The following TDRD9 variants were observed in gnomAD, a reference collection of about 807,000 sequenced individuals.
TDRD9 encodes ATP-dependent RNA helicase TDRD9.
Under a neutral mutation model 172.6 loss-of-function variants are expected in TDRD9, and 124 were observed. The observed-to-expected ratio is 0.72, with a 90% CI of 0.62 to 0.83. TDRD9 has a LOEUF of 0.83. TDRD9 is among the 40% of genes least tolerant of loss of function. The pLI is 0.00. For missense variants in TDRD9, 1,479 were observed against 1,714.1 expected (o/e 0.86, Z 2.42); for synonymous variants, 619 against 617.1 (o/e 1.00, Z -0.05).
chr14:104,047,676 CT>C (rs1174513629), intron 34 of TDRD9, among the ~76,000 whole-genome samples: 1 of 152,170 alleles, frequency 6.6e-6, no homozygotes, highest in Non-Finnish European at 1.5e-5. Flanking sequence ...CCTCACTGGT[CT>C]TTGAGGCTCT....
intron 2 of TDRD9, among the ~76,000 whole-genome samples, chr14:103,956,103 AAAAAAAAAATATATAT>A (rs1326852110): frequency 6.0e-5 from 3 of 50,256 alleles, no homozygotes; most frequent in African/African-American, 1.7e-4. Context: ...AAAAAAAAAA[AAAAAAAAAATATATAT>A]ATATATATAT....
intron 20 of TDRD9, among the ~76,000 whole-genome samples, chr14:104,012,882 C>T (rs2034657628): frequency 6.6e-6 from 1 of 152,168 alleles, no homozygotes; most frequent in Admixed American, 6.5e-5. Flanking sequence ...GTGTGAACCA[C>T]CGTGCCCAGC....
intron 25 of TDRD9, among the ~76,000 whole-genome samples, 167 bp downstream of exon 25, chr14:104,024,847 C>T (rs1336100666): frequency 2.6e-5 from 4 of 151,890 alleles, no homozygotes; most frequent in Non-Finnish European, 5.9e-5. Context: ...TATCACTCTA[C>T]TTGTTAAATT....
At chr14:103,929,563 A>G (rs994640642) in intron 1 of TDRD9, among the ~76,000 whole-genome samples, 2 of 145,998 alleles carry the variant, frequency 1.4e-5, no homozygotes, top group African/African-American at 2.6e-5. Flanking sequence ...TTTGTTACCC[A>G]GGCTGGAGTG....
chr14:103,995,871 C>T, intron 12 of TDRD9, 64 bp downstream of exon 12: 1 of 1,395,356 alleles, frequency 7.2e-7, no homozygotes, highest in Non-Finnish European at 9.8e-7. Flanking sequence ...GGCTTATTCA[C>T]CTCACTCAGG....
At chr14:104,016,312 A>C (rs2034791184) in intron 22 of TDRD9, among the ~76,000 whole-genome samples, 1 of 152,178 alleles carries the variant, frequency 6.6e-6, no homozygotes, top group Non-Finnish European at 1.5e-5. Flanking sequence ...CTTATAAGGA[A>C]GCCTTGAGAG....
At chr14:103,936,834 G>A (rs1273883051) in intron 1 of TDRD9, among the ~76,000 whole-genome samples, 1 of 152,204 alleles carries the variant, frequency 6.6e-6, no homozygotes, top group South Asian at 2.1e-4. Context: ...GCTCATGCCT[G>A]TAATCCCAGT....
At chr14:104,039,012 C>A (rs2035533595) in intron 32 of TDRD9, among the ~76,000 whole-genome samples, 2 of 152,136 alleles carry the variant, frequency 1.3e-5, no homozygotes, top group South Asian at 4.1e-4. Context: ...ATACCCGAGA[C>A]TGGGTAAATT....
intron 1 of TDRD9, among the ~76,000 whole-genome samples, chr14:103,952,715 T>C (rs2031994521): frequency 1.4e-5 from 2 of 146,056 alleles, no homozygotes; most frequent in African/African-American, 5.0e-5. Context: ...TAGTGATTTA[T>C]AGGAATTCTC....
intron 20 of TDRD9, among the ~76,000 whole-genome samples, chr14:104,013,045 C>T (rs560327080): frequency 1.6e-3 from 245 of 152,270 alleles, no homozygotes; most frequent in Non-Finnish European, 2.8e-3. Context: ...GGTACAGAGG[C>T]GAGCATCTGA....
chr14:103,966,142 C>T (rs545262247), intron 4 of TDRD9, among the ~76,000 whole-genome samples: 1 of 152,064 alleles, frequency 6.6e-6, no homozygotes, highest in African/African-American at 2.4e-5. Flanking sequence ...ACCAGCCTGG[C>T]CAACATGGTG....
intron 12 of TDRD9, among the ~76,000 whole-genome samples, chr14:103,996,650 G>A (rs372844800): frequency 9.2e-5 from 14 of 152,300 alleles, no homozygotes; most frequent in African/African-American, 3.4e-4. Flanking sequence ...GTAAACCAGG[G>A]CAGATGATAA....
chr14:103,961,408 C>T (rs2032501888), intron 2 of TDRD9, among the ~76,000 whole-genome samples: 1 of 151,786 alleles, frequency 6.6e-6, no homozygotes, highest in Non-Finnish European at 1.5e-5. Flanking sequence ...ACTAAAAATA[C>T]AAAAATTAGC....
chr14:103,952,843 A>C (rs187098418), intron 1 of TDRD9, among the ~76,000 whole-genome samples: 1 of 148,442 alleles, frequency 6.7e-6, no homozygotes, highest in African/African-American at 2.5e-5. Context: ...GTTTCAGGCA[A>C]ATTCTCCTGC....
intron 20 of TDRD9, among the ~76,000 whole-genome samples, chr14:104,011,161 G>A (rs2034601297): frequency 6.6e-6 from 1 of 152,178 alleles, no homozygotes; most frequent in African/African-American, 2.4e-5. Flanking sequence ...TGTGGTGCAT[G>A]ACTTATACAT....
intron 35 of TDRD9, 192 bp downstream of exon 35, chr14:104,049,872 T>C (rs2035891645): frequency 3.7e-6 from 2 of 537,548 alleles, no homozygotes; most frequent in African/African-American, 3.8e-5. Context: ...CAGTGTCTTC[T>C]ATGTGATGTC....
chr14:104,034,814 C>T (rs1051155574), intron 31 of TDRD9, 146 bp from the exon 32 acceptor site: 2 of 601,878 alleles, frequency 3.3e-6, no homozygotes, highest in Non-Finnish European at 6.0e-6. Context: ...AGGGAGTGTG[C>T]GTTACTATTG....
At chr14:103,942,062 T>C (rs900346603) in intron 1 of TDRD9, 1 of 205,422 alleles carries the variant, frequency 4.9e-6, no homozygotes, top group African/African-American at 2.4e-5. Context: ...TTTTGATTTA[T>C]GTTTTGGACA....
rs1006283785 is a variant in TDRD9 at position 103,955,694 on chromosome 14, G to A, written c.246G>A (p.Glu82=). 5 of 1,551,328 alleles carry A rather than the reference G, an allele frequency of 3.2e-6. No individual in the cohort carries two copies. The highest frequency in any genetic ancestry group is 4.4e-6 in the Non-Finnish European group (5 of 1,146,760). ...TCAGCCAAAGGAGCTCAGAAGTAGA[G>A]TATATTAACAAATACAGACAGCTCG... ...RSLSQRSSEV[E]YINKYRQLEA... Residue 82 remains glutamate (E), a synonymous_variant, in exon 2 of 36, where the codon GAG becomes GAA. Coordinates refer to ENST00000409874, the MANE Select transcript of TDRD9 (RefSeq NM_153046.3).
Sources: allele counts gnomAD v4.1 joint callset (sites outside exome capture counted in the v4.1 genomes callset), GRCh38; gene constraint gnomAD v4.1.1; transcripts MANE v1.5; gene names NCBI Gene and HGNC (gene_info 2026-07-23, HGNC 2026-07-21).